ZNF234: variants seen among roughly 807,000 people sequenced by gnomAD.
The protein encoded by ZNF234 is C2-H2 type zinc finger protein.
ZNF234 carries 4 observed loss-of-function variants against 10.3 expected under a neutral mutation model. The ratio of observed to expected loss-of-function variants is 0.39; its 90% CI spans 0.19 to 0.89. ZNF234 has a LOEUF of 0.89. Among genes scored for constraint, ZNF234 ranks in the 40% least tolerant of loss-of-function variants. The pLI, the probability that ZNF234 is intolerant of heterozygous loss-of-function variation, is 0.38. For synonymous variants in ZNF234, 258 were observed against 280.1 expected (o/e 0.92, Z 0.79); for missense variants, 711 against 836.1 (o/e 0.85, Z 1.85).
At position 44,159,559 on chromosome 19, in the gene ZNF234, C is replaced by T. The variant is rs759891281; in HGVS notation, c.*1440C>T. The T allele has an allele frequency of 7.0e-6, 3 of 428,460 alleles. No homozygotes were observed. 26.5% of individuals were successfully genotyped at this position (428,460 alleles called of 1,614,324 possible). On this transcript the variant is annotated 3_prime_UTR_variant, in exon 6 of 6. Coordinates refer to ENST00000426739, the MANE Select transcript of ZNF234 (RefSeq NM_006630.3). ...TGACAAGAGTTTACTGAATATCACA[C>T]AATTGAGTTTTTAATCCATTAATGT...
In ZNF234 at chr19:44,156,553, T is replaced by A; in HGVS notation, c.537T>A (p.Asp179Glu). The change falls in exon 6 of 6, where the codon GAT (aspartate) becomes GAA (glutamate). Residue 179 changes from aspartate to glutamate, a missense_variant. Asp to Glu is a conservative substitution (Grantham distance 45). Transcript: ENST00000426739. ...LHSGEKSHTC[D>E]ECGKSFCYIS... ...CAGGAGAGAAGTCTCATACATGTGA[T>A]GAGTGTGGAAAAAGCTTCTGTTACA... 6.2e-7 allele frequency: 1 copy of A among 1,614,120 alleles called. No individual in the cohort carries two copies. Among genetic ancestry groups the A allele is most frequent in the Non-Finnish European group, 8.5e-7 (1 of 1,179,990 alleles).
chr19:44,152,023 T>C (rs998394697), intron 5 of ZNF234, among the ~76,000 whole-genome samples: 6 of 152,194 alleles, frequency 3.9e-5, no homozygotes, highest in African/African-American at 1.4e-4. Flanking sequence ...TCAAAGCCCT[T>C]ATTTGCCCTT....
chr19:44,147,667 A>G (rs1968633640), intron 3 of ZNF234, among the ~76,000 whole-genome samples: 1 of 152,176 alleles, frequency 6.6e-6, no homozygotes, highest in African/African-American at 2.4e-5. Flanking sequence ...AGCCTGACCA[A>G]CATGGTGAAA....
chr19:44,144,697 C>T (rs1427180031), intron 3 of ZNF234, 50 bp downstream of exon 3: 2 of 1,499,814 alleles, frequency 1.3e-6, no homozygotes, highest in Non-Finnish European at 1.8e-6. Context: ...TCACTATTCT[C>T]ATGTTTCCTG....
At chr19:44,152,626 A>G (rs1968771365) in intron 5 of ZNF234, among the ~76,000 whole-genome samples, 1 of 152,208 alleles carries the variant, frequency 6.6e-6, no homozygotes, top group Non-Finnish European at 1.5e-5. Flanking sequence ...ATCATATGGA[A>G]CACATTCATT....
intron 5 of ZNF234, among the ~76,000 whole-genome samples, chr19:44,154,310 CTT>C (rs58652062): frequency 2.0e-5 from 3 of 148,886 alleles, no homozygotes; most frequent in Admixed American, 6.7e-5. Flanking sequence ...TTCTTTTTCA[CTT>C]TTTTTTTTTT....
chr19:44,144,475 G>A lies in ZNF234; in HGVS notation c.-76-82G>A, dbSNP rs962219413. ...ATGAATAATGCCACCGTGACCATTC[G>A]TGTGCTAATTCACAGTACACATCTG... On this transcript the variant is annotated intron_variant, in intron 2 of 5. Coordinates refer to ENST00000426739, the MANE Select transcript of ZNF234 (RefSeq NM_006630.3). The A allele has an allele frequency of 3.2e-5, 16 of 499,776 alleles. No homozygotes were observed. The South Asian group carries it at 6.1e-4, about 19-fold the overall frequency. 31.0% of individuals were successfully genotyped at this position (499,776 alleles called of 1,614,324 possible). A position where few individuals can be genotyped will look rare whatever the true frequency, so the allele number is the denominator to read the frequency against.
In ZNF234 at chr19:44,157,269, A is replaced by T; in HGVS notation, c.1253A>T (p.His418Leu). 1 of 1,614,146 alleles carries T rather than the reference A, an allele frequency of 6.2e-7. No homozygotes were observed. Among genetic ancestry groups the T allele is most frequent in the South Asian group, 1.1e-5 (1 of 91,082 alleles). Residue 418 changes from histidine (H) to leucine (L), a missense_variant, in exon 6 of 6, where the codon CAT becomes CTT. By Grantham distance (99) the His-to-Leu change is moderately conservative (BLOSUM62 -3). Transcript: ENST00000426739. ...SFRMKIHYQV[H>L]LVVHTGEKPY... ...AGAATGAAAATTCATTATCAAGTGC[A>T]TCTGGTAGTCCACACAGGGGAAAAA...
chr19:44,148,585 T>C, intron 3 of ZNF234, 186 bp from the exon 4 acceptor site: 1 of 797,266 alleles, frequency 1.3e-6, no homozygotes, highest in Non-Finnish European at 2.2e-6. Flanking sequence ...CTGATGTACT[T>C]TTACTGACAC....
intron 5 of ZNF234, among the ~76,000 whole-genome samples, chr19:44,151,422 C>T (rs186313189): frequency 0.012 from 1,797 of 152,248 alleles, 32 homozygotes; most frequent in African/African-American, 0.039. Context: ...AGGCTGGTCT[C>T]CTGACCTCAA....
intron 5 of ZNF234, 31 bp downstream of exon 5, chr19:44,150,536 C>G: frequency 1.3e-6 from 2 of 1,511,668 alleles, no homozygotes. Context: ...AGTCCTTGTA[C>G]GTGATTGTCC....
At position 44,157,526 on chromosome 19, in the gene ZNF234, A is replaced by C. The variant is rs753636612; in HGVS notation, c.1510A>C (p.Arg504=). The change falls in exon 6 of 6, where the codon AGG becomes CGG. Residue 504 remains arginine, a synonymous_variant. Coordinates refer to ENST00000426739, the MANE Select transcript of ZNF234 (RefSeq NM_006630.3). ...SRRADLKIHC[R]IHTGEKPYNC... The stretch of plus-strand genomic sequence containing the variant: ...TAGAGCAGATCTTAAAATTCATTGT[A>C]GGATCCACACAGGGGAGAAACCATA... 2.5e-5 allele frequency: 40 copies of C among 1,613,706 alleles called. No individual in the cohort carries two copies. Among genetic ancestry groups the C allele is most frequent in the Non-Finnish European group, 3.1e-5 (36 of 1,179,950 alleles).
At chr19:44,147,544 C>A (rs933078798) in intron 3 of ZNF234, among the ~76,000 whole-genome samples, 5 of 151,522 alleles carry the variant, frequency 3.3e-5, no homozygotes, top group Admixed American at 1.3e-4. Context: ...GGCCTGCAAT[C>A]ATTTTAAATA....
At chr19:44,142,835 AT>A (rs1242920073) in intron 2 of ZNF234, among the ~76,000 whole-genome samples, 1 of 152,260 alleles carries the variant, frequency 6.6e-6, no homozygotes, top group Non-Finnish European at 1.5e-5. Context: ...AGATACAAAA[AT>A]TGTAATTACC....
rs760203606 is a variant in ZNF234, at chr19:44,156,241, T to C, written c.236-11T>C. ...AGAGCCTCCACATCTCTGAATTCTCTGTCCTTACAGCAGACAAGATCCAAA... is the reference window on the plus strand; with the variant it reads ...AGAGCCTCCACATCTCTGAATTCTCCGTCCTTACAGCAGACAAGATCCAAA... On this transcript the variant is annotated splice_polypyrimidine_tract_variant and intron_variant, in intron 5 of 5. Coordinates refer to ENST00000426739, the MANE Select transcript of ZNF234 (RefSeq NM_006630.3). 2 of 1,529,776 alleles carry C rather than the reference T, an allele frequency of 1.3e-6. No individual in the cohort carries two copies. Among genetic ancestry groups the C allele is most frequent in the Non-Finnish European group, 1.7e-6 (2 of 1,143,506 alleles). 94.8% of individuals were successfully genotyped at this position (1,529,776 alleles called of 1,614,324 possible). A position where few individuals can be genotyped will look rare whatever the true frequency, so the allele number is the denominator to read the frequency against.
intron 5 of ZNF234, among the ~76,000 whole-genome samples, chr19:44,153,164 T>TTATATATATATATATATATA (rs1568552114): frequency 1.8e-5 from 1 of 54,868 alleles, no homozygotes; most frequent in African/African-American, 1.7e-4. Context: ...CATGTATTCA[T>TTATATATATATATATATATA]CATATATATA....
At chr19:44,155,871 G>A (rs1968866355) in intron 5 of ZNF234, among the ~76,000 whole-genome samples, 1 of 152,066 alleles carries the variant, frequency 6.6e-6, no homozygotes, top group South Asian at 2.1e-4. Context: ...AGAATGCTGG[G>A]ATATACAGGC....
At chr19:44,150,653 C>T (rs1235850960) in intron 5 of ZNF234, 148 bp downstream of exon 5, 1 of 598,402 alleles carries the variant, frequency 1.7e-6, no homozygotes, top group African/African-American at 1.9e-5. Context: ...CTGCATCCAC[C>T]CTCAATAGTA....
At chr19:44,144,294 A>C (rs891142683) in intron 2 of ZNF234, among the ~76,000 whole-genome samples, 10 of 152,180 alleles carry the variant, frequency 6.6e-5, no homozygotes, top group Non-Finnish European at 1.5e-4. Context: ...TCTTTCACTC[A>C]GCATAGTGTT....
Sources: allele counts gnomAD v4.1 joint callset (sites outside exome capture counted in the v4.1 genomes callset), GRCh38; gene constraint gnomAD v4.1.1; transcripts MANE v1.5; gene names NCBI Gene and HGNC (gene_info 2026-07-23, HGNC 2026-07-21).